The following MTMR3 variants were observed in gnomAD, a reference collection of about 807,000 sequenced individuals.
MTMR3 encodes the protein phosphatidylinositol-3,5-bisphosphate 3-phosphatase MTMR3.
In MTMR3, 32 loss-of-function variants were observed where a neutral mutation model predicts 132.4. The ratio of observed to expected loss-of-function variants is 0.24; its 90% confidence interval spans 0.18 to 0.32. The LOEUF (loss-of-function observed/expected upper bound fraction) is 0.32. Ranked by LOEUF, MTMR3 falls within the 10% of genes least tolerant of loss-of-function variation. The probability of loss-of-function intolerance (pLI) is 1.00; values close to 1 mark genes in which losing one functional copy is unlikely to be tolerated. For synonymous variants in MTMR3, 556 were observed against 550.3 expected, an observed-to-expected ratio of 1.01 and a Z score of -0.14; for missense variants, 1,216 against 1,489.6, an observed-to-expected ratio of 0.82 and a Z score of 3.02.
At chr22:29,967,193 T>TTG (rs10680622) in intron 2 of MTMR3, among the ~76,000 whole-genome samples, 17,038 of 141,748 alleles carry the variant, frequency 0.12, 1,034 homozygotes, top group Middle Eastern at 0.23. Flanking sequence ...TTCACCTCTG[T>TTG]TGTGTGTGTG....
chr22:29,971,402 CTG>C lies in MTMR3; in HGVS notation c.3+352_3+353del, dbSNP rs150241246. On this transcript the variant is annotated intron_variant, in intron 3 of 19. Coordinates refer to ENST00000401950, the MANE Select transcript of MTMR3 (RefSeq NM_021090.4). ...TCTAGGAAGTAGCGTGTAGTGAAAACTGTGTGTGTGTGTTTGTGTGTAGACAA... is the reference window on the plus strand; with the variant it reads ...TCTAGGAAGTAGCGTGTAGTGAAAACTGTGTGTGTGTTTGTGTGTAGACAA... Among the ~76,000 whole-genome samples the C allele has an allele frequency of 3.3e-5, 5 of 151,802 alleles. No homozygotes were observed. In the East Asian group the frequency reaches 9.7e-4, roughly 29 times the overall value.
intron 1 of MTMR3, among the ~76,000 whole-genome samples, chr22:29,914,618 T>TC (rs2065275353): frequency 6.6e-6 from 1 of 152,152 alleles, no homozygotes; most frequent in Non-Finnish European, 1.5e-5. Context: ...ATTTTTTTTT[T>TC]CTTTTTGAGT....
At chr22:29,910,285 A>G (rs903179481) in intron 1 of MTMR3, among the ~76,000 whole-genome samples, 6 of 152,312 alleles carry the variant, frequency 3.9e-5, no homozygotes, top group East Asian at 3.9e-4. Context: ...GTAGAACAAA[A>G]CAGTTTGTAT....
intron 1 of MTMR3, among the ~76,000 whole-genome samples, chr22:29,909,372 G>A (rs1241933967): frequency 6.6e-6 from 1 of 152,060 alleles, no homozygotes; most frequent in African/African-American, 2.4e-5. Flanking sequence ...TTGAGATTGA[G>A]TGCTTTGACT....
intron 1 of MTMR3, among the ~76,000 whole-genome samples, chr22:29,945,826 A>C (rs975911085): frequency 6.6e-6 from 1 of 152,186 alleles, no homozygotes; most frequent in Non-Finnish European, 1.5e-5. Context: ...AGTTAAAAAA[A>C]ATTTATGGAT....
intron 5 of MTMR3, chr22:29,986,163 C>T (rs554323837): frequency 1.3e-5 from 2 of 152,324 alleles, no homozygotes; most frequent in East Asian, 3.9e-4. Flanking sequence ...ACTGAGATTT[C>T]CTTAGTTGTG....
chr22:29,922,324 C>T (rs2065433597), intron 1 of MTMR3, among the ~76,000 whole-genome samples: 1 of 152,272 alleles, frequency 6.6e-6, no homozygotes, highest in Non-Finnish European at 1.5e-5. Context: ...CGGCCTGTAT[C>T]ATGTCTTTTA....
At position 30,019,950 on chromosome 22, in the gene MTMR3, G is replaced by A. The variant is rs922866219; in HGVS notation, c.2291G>A (p.Gly764Asp). ...ATGAGCTGGCCTCTGTTCTCACAGGGCATTTCTGAACAGCAGAGTGGGCTC... is the reference window on the plus strand; with the variant it reads ...ATGAGCTGGCCTCTGTTCTCACAGGACATTTCTGAACAGCAGAGTGGGCTC... Reference protein sequence around the residue: ...LDMSWPLFSQGISEQQSGLSV... With the variant: ...LDMSWPLFSQDISEQQSGLSV... Residue 764 changes from glycine (G) to aspartate (D), a missense_variant, in exon 17 of 20, where the codon GGC (glycine) becomes GAC (aspartate). Around this residue, in one of 7 missense-constraint regions of MTMR3, gnomAD observed 852 missense variants for 852.0 expected, o/e 1.00. Transcript: ENST00000401950. 3 of 1,614,096 alleles carry A rather than the reference G, an allele frequency of 1.9e-6. No homozygotes were observed. The African/African-American group carries it at 4.0e-5, about 22-fold the overall frequency.
At chr22:29,903,701 T>C (rs1038063831) in intron 1 of MTMR3, among the ~76,000 whole-genome samples, 4 of 152,154 alleles carry the variant, frequency 2.6e-5, no homozygotes, top group African/African-American at 9.6e-5. Flanking sequence ...CCATTTCTTT[T>C]GTGTAGTATG....
chr22:29,906,738 A>G lies in MTMR3; in HGVS notation c.-138+23379A>G, dbSNP rs559886215. Among the ~76,000 whole-genome samples the G allele has an allele frequency of 2.3e-4, 35 of 152,278 alleles. No individual in the cohort carries two copies. In the South Asian group the frequency reaches 2.9e-3, roughly 13 times the overall value. On this transcript the variant is annotated intron_variant, in intron 1 of 19. Coordinates refer to ENST00000401950, the MANE Select transcript of MTMR3 (RefSeq NM_021090.4). Reference sequence around the variant, plus strand: ...ACTGTGGAACTACTTGAGTTGCCCTATATCTACTCCCCCTTTCCCCATTCT... The same window carrying G: ...ACTGTGGAACTACTTGAGTTGCCCTGTATCTACTCCCCCTTTCCCCATTCT...
At chr22:29,886,798 T>A (rs1341106571) in intron 1 of MTMR3, among the ~76,000 whole-genome samples, 1 of 152,224 alleles carries the variant, frequency 6.6e-6, no homozygotes, top group Non-Finnish European at 1.5e-5. Flanking sequence ...TGTAATTGGC[T>A]TAGTGTTGAA....
chr22:29,984,570 T>A (rs1378313896), intron 5 of MTMR3: 1 of 152,206 alleles, frequency 6.6e-6, no homozygotes, highest in Admixed American at 6.5e-5. Flanking sequence ...TTTGATGCAT[T>A]GTTTGAGCAT....
At chr22:29,891,323 G>T (rs1387734927) in intron 1 of MTMR3, among the ~76,000 whole-genome samples, 8 of 150,314 alleles carry the variant, frequency 5.3e-5, no homozygotes, top group African/African-American at 1.5e-4. Context: ...GTGTATGTAT[G>T]TATGTGTGTG....
chr22:29,942,947 TTAAAG>T (rs1223213879), intron 1 of MTMR3, among the ~76,000 whole-genome samples: 5 of 152,170 alleles, frequency 3.3e-5, no homozygotes, highest in Admixed American at 2.6e-4. Context: ...GATTAAAAGA[TTAAAG>T]TAAAGACAGG....
chr22:29,968,325 T>C (rs904598896), intron 2 of MTMR3, among the ~76,000 whole-genome samples: 3 of 152,236 alleles, frequency 2.0e-5, no homozygotes, highest in Non-Finnish European at 2.9e-5. Flanking sequence ...TCCATTTAAA[T>C]TGTTTAAGAT....
At chr22:30,024,035 C>T (rs542009477) in intron 19 of MTMR3, 1 of 154,074 alleles carries the variant, frequency 6.5e-6, no homozygotes, top group South Asian at 2.0e-4. Context: ...TGGCTTACGC[C>T]TATAATCCTA....
intron 1 of MTMR3, among the ~76,000 whole-genome samples, chr22:29,916,542 C>CT (rs1491002726): frequency 7.7e-6 from 1 of 129,818 alleles, no homozygotes; most frequent in Non-Finnish European, 1.6e-5. Flanking sequence ...ATTTGCTTGT[C>CT]TTCTCTCAGG....
intron 1 of MTMR3, among the ~76,000 whole-genome samples, chr22:29,942,987 T>C (rs968780558): frequency 5.3e-5 from 8 of 152,068 alleles, no homozygotes; most frequent in African/African-American, 1.9e-4. Flanking sequence ...AGGGTATTGG[T>C]TGGGGAAGTA....
rs369462453 is a variant in MTMR3 at position 30,019,504 on chromosome 22, C to T, written c.1845C>T (p.Asp615=). The T allele has an allele frequency of 1.2e-5, 19 of 1,607,608 alleles. No individual in the cohort carries two copies. The highest frequency in any genetic ancestry group is 8.3e-5 in the Admixed American group (5 of 59,914). ...LSRLPKTRSY[D]NLTTACDNTV... is the part of the protein sequence containing the mutation. ...GGCTACCAAAGACTAGATCATACGA[C>T]AATCTGACCACAGCCTGTGACAACA... The change falls in exon 17 of 20, where the codon GAC becomes GAT. Residue 615 remains aspartate, a synonymous_variant. Transcript: ENST00000401950.
Sources: gnomAD v4.1 joint callset for allele counts (sites outside exome capture counted in the v4.1 genomes callset) on GRCh38, gnomAD v4.1.1 for gene constraint, gnomAD v4.1.1 regional missense constraint, MANE v1.5 for transcripts, NCBI Gene and HGNC (gene_info 2026-07-23, HGNC 2026-07-21) for gene names.